The following MNAT1 variants were observed in gnomAD, a reference collection of about 807,000 sequenced individuals.
MNAT1 encodes MNAT1 component of CDK activating kinase, also known as CDK-activating kinase assembly factor MAT1.
In MNAT1, 43 loss-of-function variants were observed where a neutral mutation model predicts 42.0. The ratio of observed to expected loss-of-function variants is 1.02; its 90% CI spans 0.80 to 1.32. MNAT1 has a LOEUF of 1.32. MNAT1 is among the 40% of genes most tolerant of loss of function. MNAT1 has a pLI of 0.00. For synonymous variants in MNAT1, 118 were observed against 120.0 expected (o/e 0.98, Z 0.11); for missense variants, 306 against 350.4 (o/e 0.87, Z 1.01).
intron 7 of MNAT1, among the ~76,000 whole-genome samples, chr14:60,935,797 ATTGGAT>A (rs1318930830): frequency 2.0e-5 from 3 of 152,126 alleles, no homozygotes; most frequent in South Asian, 2.1e-4. Flanking sequence ...AAGATGCAGT[ATTGGAT>A]TTGAAATTCC....
At chr14:60,786,107 T>C (rs2031642382) in intron 1 of MNAT1, among the ~76,000 whole-genome samples, 1 of 151,722 alleles carries the variant, frequency 6.6e-6, no homozygotes, top group Non-Finnish European at 1.5e-5. Context: ...ATAAAATAAA[T>C]AATAGAAAAG....
chr14:60,815,340 G>A (rs564585654), intron 5 of MNAT1, among the ~76,000 whole-genome samples: 3 of 151,626 alleles, frequency 2.0e-5, no homozygotes, highest in Admixed American at 6.6e-5. Context: ...TTAGCCTCCC[G>A]AGTAGCTAGG....
At chr14:60,764,344 T>C (rs2030726761) in intron 1 of MNAT1, among the ~76,000 whole-genome samples, 1 of 152,230 alleles carries the variant, frequency 6.6e-6, no homozygotes, top group Non-Finnish European at 1.5e-5. Context: ...GCCATTTTTC[T>C]TCAGTACATT....
intron 7 of MNAT1, among the ~76,000 whole-genome samples, chr14:60,960,787 G>GTTTTCATTAT (rs1255088069): frequency 4.6e-5 from 7 of 151,854 alleles, no homozygotes; most frequent in Non-Finnish European, 1.0e-4. Context: ...TAAACCAGTA[G>GTTTTCATTAT]TTTTCATTAT....
At chr14:60,923,300 C>A (rs1202099324) in intron 7 of MNAT1, among the ~76,000 whole-genome samples, 1 of 152,166 alleles carries the variant, frequency 6.6e-6, no homozygotes, top group African/African-American at 2.4e-5. Context: ...TCATTTCCAA[C>A]AAGTTCCTAA....
rs1224684301 is a variant in MNAT1 at position 60,812,059 on chromosome 14, A to C, written c.493A>C (p.Ile165Leu). The C allele has an allele frequency of 6.2e-7, 1 of 1,605,854 alleles. No homozygotes were observed. Among genetic ancestry groups the C allele is most frequent in the Non-Finnish European group, 8.5e-7 (1 of 1,177,378 alleles). ...GGAAAATGAACAAAGAAGATTATTT[A>C]TACAAAAAGAAGAACAACTGCAGCA... The part of the protein sequence containing the change: ...RQENEQRRLF[I>L]QKEEQLQQIL... Residue 165 changes from isoleucine to leucine, a missense_variant, in exon 5 of 8, where the codon ATA becomes CTA. Physicochemically the swap from Ile to Leu is conservative, Grantham distance 5. This residue lies in a region of MNAT1 where 118 missense variants were observed against 99.8 expected (regional missense o/e 1.18). Coordinates refer to ENST00000261245, the MANE Select transcript of MNAT1 (RefSeq NM_002431.4).
At chr14:60,898,355 T>C (rs2035005478) in intron 7 of MNAT1, among the ~76,000 whole-genome samples, 1 of 152,162 alleles carries the variant, frequency 6.6e-6, no homozygotes, top group Non-Finnish European at 1.5e-5. Flanking sequence ...TACTGGTTTC[T>C]GTAATGGTTA....
chr14:60,906,217 A>G (rs2035194846), intron 7 of MNAT1, among the ~76,000 whole-genome samples: 1 of 152,162 alleles, frequency 6.6e-6, no homozygotes, highest in Non-Finnish European at 1.5e-5. Context: ...GTAGGAGAAT[A>G]GGTTCAGAGA....
At chr14:60,907,570 C>A (rs752573932) in intron 7 of MNAT1, among the ~76,000 whole-genome samples, 1 of 151,502 alleles carries the variant, frequency 6.6e-6, no homozygotes. Flanking sequence ...CACCTGAGGT[C>A]GGGAGTTCAA....
rs756041021 is a variant in MNAT1, at chr14:60,968,255, C to A, written c.836C>A (p.Ser279Ter). The A allele has an allele frequency of 6.2e-7, 1 of 1,613,344 alleles. No homozygotes were observed. The highest frequency in any genetic ancestry group is 8.5e-7 in the Non-Finnish European group (1 of 1,179,688). ...TATTTAAACCATGTCAGAGCTGCCT[C>A]ACCACAGGACCTTGCTGGAGGCTAT... is the stretch of plus-strand genomic sequence containing the variant. ...LGYLNHVRAA[S>*]PQDLAGGYTS... is the part of the protein sequence containing the mutation. The change falls in exon 8 of 8, where the codon TCA (serine) becomes TAA (stop). Residue 279 changes from serine to a stop codon, truncating the protein, a stop_gained. Coordinates refer to ENST00000261245, the MANE Select transcript of MNAT1 (RefSeq NM_002431.4). LOFTEE classifies it high-confidence loss of function.
At chr14:60,758,315 C>G (rs2030450133) in intron 1 of MNAT1, among the ~76,000 whole-genome samples, 1 of 151,764 alleles carries the variant, frequency 6.6e-6, no homozygotes, top group Non-Finnish European at 1.5e-5. Context: ...AAGCAATCCT[C>G]TCATGTCAGC....
intron 6 of MNAT1, among the ~76,000 whole-genome samples, chr14:60,869,040 A>ATATATATATTTT (rs1465360826): frequency 8.0e-5 from 9 of 113,022 alleles, no homozygotes; most frequent in African/African-American, 2.4e-4. Flanking sequence ...ATATATATAT[A>ATATATATATTTT]TTTTTTTTTT....
intron 7 of MNAT1, among the ~76,000 whole-genome samples, chr14:60,938,186 G>A (rs568096747): frequency 0.013 from 1,953 of 152,142 alleles, 35 homozygotes; most frequent in African/African-American, 0.045. Context: ...GGACAATTTG[G>A]CTTCCTCTTT....
chr14:60,858,611 A>G lies in MNAT1; in HGVS notation c.688-21103A>G, dbSNP rs575823188. Among the ~76,000 whole-genome samples the G allele has an allele frequency of 2.0e-5, 3 of 152,278 alleles. No individual in the cohort carries two copies. In the South Asian group the frequency reaches 6.2e-4, roughly 32 times the overall value. ...GCGTTAAATGCTTTCAAACAGCATC[A>G]TGTGCTACAGAGAACTCTTTCATGA... On this transcript the variant is annotated intron_variant, in intron 6 of 7. Transcript: ENST00000261245.
At chr14:60,862,182 A>C (rs748013381) in intron 6 of MNAT1, among the ~76,000 whole-genome samples, 6 of 152,214 alleles carry the variant, frequency 3.9e-5, no homozygotes, top group Admixed American at 3.3e-4. Context: ...ACAGCAAGGC[A>C]AGTAATTATC....
Position 60,912,554 on chromosome 14 carries a change from A to G in MNAT1, c.809+32719A>G, listed in dbSNP as rs1278117079. Among the ~76,000 whole-genome samples the G allele has an allele frequency of 2.6e-5, 4 of 152,188 alleles. No individual in the cohort carries two copies. The Middle Eastern group carries it at 0.01, about 388-fold the overall frequency. On this transcript the variant is annotated intron_variant, in intron 7 of 7. Coordinates refer to ENST00000261245, the MANE Select transcript of MNAT1 (RefSeq NM_002431.4). ...TCTCTCAGCATTTGCTTGTCTATAA[A>G]GGATTTTATTTCTCCTTCACTTATG...
intron 6 of MNAT1, among the ~76,000 whole-genome samples, chr14:60,828,180 C>T (rs2033107981): frequency 6.6e-6 from 1 of 152,038 alleles, no homozygotes; most frequent in Non-Finnish European, 1.5e-5. Flanking sequence ...ATTGTTTGGT[C>T]TTGGGCAAAT....
chr14:60,739,141 A>C (rs1352364973), intron 1 of MNAT1, among the ~76,000 whole-genome samples: 1 of 152,136 alleles, frequency 6.6e-6, no homozygotes, highest in Non-Finnish European at 1.5e-5. Flanking sequence ...GGCTTCTCCC[A>C]GAACTAGTGA....
At chr14:60,843,456 G>A (rs2033602183) in intron 6 of MNAT1, among the ~76,000 whole-genome samples, 1 of 151,986 alleles carries the variant, frequency 6.6e-6, no homozygotes, top group African/African-American at 2.4e-5. Flanking sequence ...ATTTTTAGTA[G>A]AGACGGGGTT....
Sources: allele counts gnomAD v4.1 joint callset (sites outside exome capture counted in the v4.1 genomes callset), GRCh38; gene constraint gnomAD v4.1.1; regional missense constraint gnomAD v4.1.1; transcripts MANE v1.5; gene names NCBI Gene and HGNC (gene_info 2026-07-23, HGNC 2026-07-21).